RHOBTB3: variants seen among roughly 807,000 people sequenced by gnomAD.
The protein encoded by RHOBTB3 is rho-related BTB domain-containing protein 3.
Under a neutral mutation model 67.2 loss-of-function variants are expected in RHOBTB3, and 47 were observed. That is an observed-to-expected ratio of 0.70 (90% CI 0.55 to 0.89). RHOBTB3 has a LOEUF of 0.89. Ranked by LOEUF, RHOBTB3 falls within the 40% of genes least tolerant of loss-of-function variation. RHOBTB3 has a pLI of 0.00. For missense variants in RHOBTB3, 631 were observed against 750.0 expected (o/e 0.84, Z 1.85); for synonymous variants, 273 against 274.2 (o/e 1.00, Z 0.04).
intron 1 of RHOBTB3, chr5:95,719,908 A>G (rs1754815617): frequency 6.6e-6 from 1 of 152,262 alleles, no homozygotes; most frequent in African/African-American, 2.4e-5. Flanking sequence ...TATAGACACA[A>G]AACATCCTTG....
chr5:95,769,305 G>T, intron 8 of RHOBTB3: 1 of 471,246 alleles, frequency 2.1e-6, no homozygotes, highest in Non-Finnish European at 4.2e-6. Flanking sequence ...CTAAGATGTT[G>T]CCAGTAACAC....
At chr5:95,741,798 AAT>A (rs1219236282) in intron 3 of RHOBTB3, among the ~76,000 whole-genome samples, 1 of 152,118 alleles carries the variant, frequency 6.6e-6, no homozygotes, top group Non-Finnish European at 1.5e-5. Context: ...GTGCTTGCAA[AAT>A]AGTGATGTTT....
At chr5:95,745,915 T>C (rs945919453) in intron 3 of RHOBTB3, among the ~76,000 whole-genome samples, 2 of 151,998 alleles carry the variant, frequency 1.3e-5, no homozygotes, top group Non-Finnish European at 2.9e-5. Flanking sequence ...TATTGAAGAA[T>C]ATAGGAATGG....
intron 3 of RHOBTB3, among the ~76,000 whole-genome samples, chr5:95,737,507 T>A (rs886993218): frequency 6.6e-6 from 1 of 152,206 alleles, no homozygotes; most frequent in East Asian, 1.9e-4. Context: ...ACACTGACAG[T>A]GCTGCCTAAA....
chr5:95,721,713 C>T (rs1457114441), intron 1 of RHOBTB3, among the ~76,000 whole-genome samples: 2 of 110,656 alleles, frequency 1.8e-5, no homozygotes, highest in East Asian at 6.3e-4. Context: ...AAAAAAGGAA[C>T]ATGAAGATCA....
chr5:95,788,966 G>A, intron 11 of RHOBTB3, 108 bp downstream of exon 11: 2 of 661,738 alleles, frequency 3.0e-6, no homozygotes, highest in Non-Finnish European at 4.9e-6. Context: ...AATAGTCAAT[G>A]TAATAAATTT....
At chr5:95,732,944 C>T (rs1163158015) in intron 2 of RHOBTB3, among the ~76,000 whole-genome samples, 1 of 152,068 alleles carries the variant, frequency 6.6e-6, no homozygotes, top group Non-Finnish European at 1.5e-5. Context: ...CTAAATGTTA[C>T]ATTTAATAAC....
chr5:95,738,945 TC>T (rs1174842737), intron 3 of RHOBTB3, among the ~76,000 whole-genome samples: 1 of 152,168 alleles, frequency 6.6e-6, no homozygotes, highest in African/African-American at 2.4e-5. Flanking sequence ...TTTGCCTTTC[TC>T]CCCTCCTCCC....
intron 11 of RHOBTB3, chr5:95,789,633 A>G (rs552900082): frequency 1.4e-4 from 22 of 152,270 alleles, no homozygotes; most frequent in African/African-American, 3.9e-4. Context: ...ATCTCCGTGG[A>G]GATAACTGAA....
intron 1 of RHOBTB3, among the ~76,000 whole-genome samples, chr5:95,722,523 C>G (rs10044295): frequency 0.014 from 2,199 of 152,032 alleles, 52 homozygotes; most frequent in African/African-American, 0.051. Flanking sequence ...TGGAGTCTCG[C>G]TCTGTCACCT....
At chr5:95,736,802 T>C (rs1406728349) in intron 2 of RHOBTB3, 87 bp from the exon 3 acceptor site, 1 of 884,424 alleles carries the variant, frequency 1.1e-6, no homozygotes, top group East Asian at 2.8e-5. Flanking sequence ...TAATTTTTTA[T>C]GAATTCCAAA....
rs771610174 is a variant in RHOBTB3 at position 95,780,245 on chromosome 5, C to T, written c.1283-7C>T. On this transcript the variant is annotated splice_polypyrimidine_tract_variant and splice_region_variant and intron_variant, in intron 8 of 11. Coordinates refer to ENST00000379982, the MANE Select transcript of RHOBTB3 (RefSeq NM_014899.4). The stretch of plus-strand genomic sequence containing the variant: ...CTTGTTTCTTGTTTCCCTTTTGAAC[C>T]TTTCAGGTACGACAGTGCCAGCCCA... The T allele has an allele frequency of 3.7e-6, 6 of 1,612,054 alleles. No homozygotes were observed. The highest frequency in any genetic ancestry group is 1.7e-5 in the Admixed American group (1 of 59,662).
chr5:95,762,814 A>G (rs2112808292), intron 6 of RHOBTB3, among the ~76,000 whole-genome samples: 1 of 152,324 alleles, frequency 6.6e-6, no homozygotes, highest in South Asian at 2.1e-4. Flanking sequence ...CTTGGGGAAA[A>G]GGTCAGCTTT....
At chr5:95,788,969 A>G (rs1404925455) in intron 11 of RHOBTB3, 111 bp downstream of exon 11, 3 of 652,850 alleles carry the variant, frequency 4.6e-6, no homozygotes, top group Non-Finnish European at 7.5e-6. Context: ...AGTCAATGTA[A>G]TAAATTTCTT....
At chr5:95,780,724 T>A (rs1301287584) in intron 9 of RHOBTB3, among the ~76,000 whole-genome samples, 3 of 152,172 alleles carry the variant, frequency 2.0e-5, no homozygotes, top group Non-Finnish European at 4.4e-5. Context: ...TGTCTTGTGG[T>A]ACCCATGGCT....
At chr5:95,724,967 CAATT>C (rs1451775169) in intron 1 of RHOBTB3, among the ~76,000 whole-genome samples, 1 of 151,502 alleles carries the variant, frequency 6.6e-6, no homozygotes, top group Admixed American at 6.6e-5. Flanking sequence ...GTGAGAGAAT[CAATT>C]GAGTCTAGCC....
Position 95,796,198 on chromosome 5 carries a change from T to C in RHOBTB3, c.*3024T>C, listed in dbSNP as rs915293384. The C allele has an allele frequency of 6.6e-6, 1 of 152,252 alleles. No homozygotes were observed. The highest frequency in any genetic ancestry group is 2.4e-5 in the African/African-American group (1 of 41,476). 9.4% of individuals were successfully genotyped at this position (152,252 alleles called of 1,614,324 possible). A position where few individuals can be genotyped will look rare whatever the true frequency, so the allele number is the denominator to read the frequency against. On this transcript the variant is annotated 3_prime_UTR_variant, in exon 12 of 12. Transcript: ENST00000379982. ...TGTTATAGTTAATCTGACAAAAATG[T>C]CCTCAAAGAGTACTTTATTTTATTT...
upstream of RHOBTB3, among the ~76,000 whole-genome samples, chr5:95,730,058 G>A (rs974342115): frequency 1.3e-5 from 2 of 151,632 alleles, no homozygotes; most frequent in East Asian, 1.9e-4. Context: ...AAGAGAAATC[G>A]TAGAAAATGC....
chr5:95,762,925 A>G (rs886309289), intron 6 of RHOBTB3, among the ~76,000 whole-genome samples: 2 of 152,182 alleles, frequency 1.3e-5, no homozygotes, highest in African/African-American at 4.8e-5. Flanking sequence ...GAAGTGGGCT[A>G]GGGAAAGGCA....
Sources: allele counts gnomAD v4.1 joint callset (sites outside exome capture counted in the v4.1 genomes callset), GRCh38; gene constraint gnomAD v4.1.1; transcripts MANE v1.5; gene names NCBI Gene and HGNC (gene_info 2026-07-23, HGNC 2026-07-21).